Variants in LNX1 observed in about 807,000 individuals in gnomAD.
The protein encoded by LNX1 is E3 ubiquitin-protein ligase LNX.
LNX1 carries 54 observed loss-of-function variants against 68.4 expected under a neutral mutation model. The ratio of observed to expected loss-of-function variants is 0.79; its 90% CI spans 0.63 to 0.99. The LOEUF (loss-of-function observed/expected upper bound fraction) is 0.99. LNX1 is among the 50% of genes least tolerant of loss of function. The pLI, the probability that LNX1 is intolerant of heterozygous loss-of-function variation, is 0.00. For missense variants in LNX1, 906 were observed against 926.4 expected (o/e 0.98, Z 0.29); for synonymous variants, 336 against 350.0 (o/e 0.96, Z 0.45).
intron 1 of LNX1, among the ~76,000 whole-genome samples, chr4:53,577,162 T>C (rs1322650135): frequency 6.6e-6 from 1 of 152,174 alleles, no homozygotes; most frequent in Non-Finnish European, 1.5e-5. Context: ...GGAAATACTT[T>C]AAGTGACATC....
intron 2 of LNX1, among the ~76,000 whole-genome samples, chr4:53,599,155 G>T (rs1732884416): frequency 6.6e-6 from 1 of 152,164 alleles, no homozygotes; most frequent in Non-Finnish European, 1.5e-5. Context: ...TGTAAAATAA[G>T]GCTGAGACCT....
chr4:53,463,619 T>TCTC (rs757488805), intron 9 of LNX1, among the ~76,000 whole-genome samples: 1 of 135,190 alleles, frequency 7.4e-6, no homozygotes, highest in African/African-American at 2.8e-5. Context: ...CTGCACTCAT[T>TCTC]CTCTAAATTT....
chr4:53,564,386 C>T (rs1730498677), intron 2 of LNX1, among the ~76,000 whole-genome samples: 2 of 152,186 alleles, frequency 1.3e-5, no homozygotes, highest in South Asian at 4.1e-4. Flanking sequence ...ACACCATCTT[C>T]TCCCTATTTT....
intron 9 of LNX1, among the ~76,000 whole-genome samples, chr4:53,465,022 A>ATAAT (rs1297537439): frequency 6.6e-6 from 1 of 152,092 alleles, no homozygotes; most frequent in Non-Finnish European, 1.5e-5. Flanking sequence ...CACCTACTTG[A>ATAAT]TAATTGTTAT....
chr4:53,530,655 T>C (rs1292466799), intron 2 of LNX1, among the ~76,000 whole-genome samples: 1 of 152,174 alleles, frequency 6.6e-6, no homozygotes, highest in Non-Finnish European at 1.5e-5. Context: ...GTAAAAAAAG[T>C]AGTATTATTT....
intron 2 of LNX1, among the ~76,000 whole-genome samples, chr4:53,534,331 T>C (rs73250971): frequency 0.039 from 5,924 of 152,142 alleles, 143 homozygotes; most frequent in Middle Eastern, 0.071. Context: ...ATGTCATAAA[T>C]TGATATAAGG....
At chr4:53,496,930 T>G (rs1480386599) in intron 5 of LNX1, among the ~76,000 whole-genome samples, 2 of 152,180 alleles carry the variant, frequency 1.3e-5, no homozygotes, top group African/African-American at 4.8e-5. Context: ...GGTCTGAGTG[T>G]GTGAGCACGA....
chr4:53,646,041 T>G (rs1373992790), intron 1 of LNX1, among the ~76,000 whole-genome samples: 10 of 152,194 alleles, frequency 6.6e-5, no homozygotes, highest in Admixed American at 3.9e-4. Context: ...TTGGGGATAT[T>G]TCCCTTTTGC....
At chr4:53,493,011 C>T (rs1357281304) in intron 6 of LNX1, among the ~76,000 whole-genome samples, 1 of 152,094 alleles carries the variant, frequency 6.6e-6, no homozygotes, top group Non-Finnish European at 1.5e-5. Flanking sequence ...TGCTCTGTCT[C>T]CAGGCTGGAG....
intron 2 of LNX1, among the ~76,000 whole-genome samples, chr4:53,540,207 C>G (rs1280573038): frequency 2.0e-5 from 3 of 151,982 alleles, no homozygotes; most frequent in Non-Finnish European, 4.4e-5. Context: ...CATGGCAAAA[C>G]CCTGTCTCTA....
intron 1 of LNX1, among the ~76,000 whole-genome samples, chr4:53,649,024 T>C (rs537185654): frequency 1.8e-4 from 27 of 152,206 alleles, no homozygotes; most frequent in African/African-American, 6.3e-4. Context: ...GCTGAAACGA[T>C]AAAAAAATTA....
chr4:53,478,434 A>C (rs943901640), intron 8 of LNX1, 131 bp downstream of exon 8: 19 of 774,390 alleles, frequency 2.5e-5, no homozygotes, highest in African/African-American at 3.5e-5. Context: ...ATCATGGTCA[A>C]TGGGTAACAA....
At chr4:53,490,684 TTGTAAGG>T (rs1223489017) in intron 6 of LNX1, among the ~76,000 whole-genome samples, 1 of 152,202 alleles carries the variant, frequency 6.6e-6, no homozygotes, top group Non-Finnish European at 1.5e-5. Context: ...GGGAATTTCT[TTGTAAGG>T]CAAATGTGAT....
chr4:53,550,786 G>A (rs555207823), intron 2 of LNX1, among the ~76,000 whole-genome samples: 23 of 152,298 alleles, frequency 1.5e-4, no homozygotes, highest in African/African-American at 5.3e-4. Context: ...AGGTCTGACT[G>A]AAGTTAGTAG....
At chr4:53,486,358 G>T (rs1724291129) in intron 6 of LNX1, among the ~76,000 whole-genome samples, 1 of 152,158 alleles carries the variant, frequency 6.6e-6, no homozygotes, top group Non-Finnish European at 1.5e-5. Context: ...AGTAGCTGGG[G>T]CTACAGGCAT....
At chr4:53,564,718 T>C (rs1730526215) in intron 2 of LNX1, among the ~76,000 whole-genome samples, 1 of 151,988 alleles carries the variant, frequency 6.6e-6, no homozygotes, top group African/African-American at 2.4e-5. Flanking sequence ...ATTTCTGCAT[T>C]TCCATCTGAG....
intron 2 of LNX1, among the ~76,000 whole-genome samples, chr4:53,609,314 A>AGTT (rs1733374413): frequency 6.6e-6 from 1 of 151,980 alleles, no homozygotes; most frequent in African/African-American, 2.4e-5. Context: ...AAAGTGTTTA[A>AGTT]GAACTATGTT....
In LNX1 at chr4:53,568,987, A is replaced by C. The variant is rs866362943; in HGVS notation, c.380+4636T>G. Reference sequence around the variant, plus strand: ...GAAGGACCTCTTCAAGGAGAACTACAAACCACTGCTCAAGGAAATAAAAGA... The same window carrying C: ...GAAGGACCTCTTCAAGGAGAACTACCAACCACTGCTCAAGGAAATAAAAGA... On this transcript the variant is annotated intron_variant, in intron 2 of 10. Coordinates refer to ENST00000263925, the MANE Select transcript of LNX1 (RefSeq NM_001126328.3). Among the ~76,000 whole-genome samples, 468 of 151,340 alleles carry C rather than the reference A, an allele frequency of 3.1e-3. 1 individual carries two copies. Among genetic ancestry groups the C allele is most frequent in the Middle Eastern group, 0.014 (4 of 292 alleles).
intron 2 of LNX1, among the ~76,000 whole-genome samples, chr4:53,607,535 C>T (rs1395079677): frequency 6.6e-6 from 1 of 152,138 alleles, no homozygotes; most frequent in Admixed American, 6.6e-5. Context: ...GGCCATACTG[C>T]CCAAAGCAGT....
Sources: gnomAD v4.1 joint callset for allele counts (sites outside exome capture counted in the v4.1 genomes callset) on GRCh38, gnomAD v4.1.1 for gene constraint, MANE v1.5 for transcripts, NCBI Gene and HGNC (gene_info 2026-07-23, HGNC 2026-07-21) for gene names.